VPS33B: variants seen among roughly 807,000 people sequenced by gnomAD.
The protein encoded by VPS33B is vacuolar protein sorting-associated protein 33B.
VPS33B carries 80 observed loss-of-function variants against 95.3 expected under a neutral mutation model. The observed-to-expected ratio is 0.84, with a 90% CI of 0.70 to 1.01. The LOEUF (loss-of-function observed/expected upper bound fraction) is 1.01. Among genes scored for constraint, VPS33B ranks in the 50% least tolerant of loss-of-function variants. The pLI is 0.00. For synonymous variants in VPS33B, 280 were observed against 280.4 expected (o/e 1.00, Z 0.01); for missense variants, 715 against 773.4 (o/e 0.92, Z 0.90).
chr15:91,020,860 A>T (rs1352937036), intron 1 of VPS33B, among the ~76,000 whole-genome samples: 1 of 152,228 alleles, frequency 6.6e-6, no homozygotes, highest in African/African-American at 2.4e-5. Flanking sequence ...CAGCCTGGGC[A>T]ACGGAGTGAG....
chr15:91,017,897 A>G lies in VPS33B; in HGVS notation c.97-12T>C. The G allele has an allele frequency of 6.2e-7, 1 of 1,613,922 alleles. No homozygotes were observed. The highest frequency in any genetic ancestry group is 1.6e-4 in the Middle Eastern group (1 of 6,062). On this transcript the variant is annotated splice_polypyrimidine_tract_variant and intron_variant, in intron 1 of 22. Coordinates refer to ENST00000333371, the MANE Select transcript of VPS33B (RefSeq NM_018668.5). ...TTTTTTCCAGGAAGCTGAAGGAGAC[A>G]CAATATGTTGGGTCACTCACAGGTC... is the stretch of plus-strand genomic sequence containing the variant.
chr15:91,020,805 C>A (rs144190025), intron 1 of VPS33B, among the ~76,000 whole-genome samples: 135 of 152,216 alleles, frequency 8.9e-4, no homozygotes, highest in African/African-American at 3.2e-3. Context: ...CGCCTGAACC[C>A]GGGAGGTGGA....
Position 90,999,617 on chromosome 15 carries a change from C to A in VPS33B, c.1774+60G>T. ...TACAGGTATGAACCACCGTGCCCAG[C>A]TGACACTTTGTTACCCAGATACAAT... On this transcript the variant is annotated intron_variant, in intron 22 of 22. Coordinates refer to ENST00000333371, the MANE Select transcript of VPS33B (RefSeq NM_018668.5). This position sits in a 1 kb window ranked among gnomAD's most constrained non-coding sequence, Gnocchi z 5.1. 6.4e-7 allele frequency: 1 copy of A among 1,574,460 alleles called. No homozygotes were observed. The highest frequency in any genetic ancestry group is 1.3e-5 in the African/African-American group (1 of 74,240).
chr15:91,022,214 C>T lies in VPS33B; in HGVS notation c.36G>A (p.Leu12=), dbSNP rs1596375940. The change falls in exon 1 of 23, where the codon CTG becomes CTA. Residue 12 remains leucine, a synonymous_variant. Coordinates refer to ENST00000333371, the MANE Select transcript of VPS33B (RefSeq NM_018668.5). The part of the protein sequence containing the change: ...AFPHRPDAPE[L]PDFSMLKRLA... ...GCCTCTTCAGCATGGAGAAGTCAGG[C>T]AGCTCAGGGGCGTCCGGCCGATGGG... 5.7e-6 allele frequency: 9 copies of T among 1,588,196 alleles called. No homozygotes were observed. The highest frequency in any genetic ancestry group is 7.7e-6 in the Non-Finnish European group (9 of 1,165,682).
At position 90,999,274 on chromosome 15, in the gene VPS33B, T is replaced by A. The variant is rs2040363372; in HGVS notation, c.1775-220A>T. On this transcript the variant is annotated intron_variant, in intron 22 of 22. Coordinates refer to ENST00000333371, the MANE Select transcript of VPS33B (RefSeq NM_018668.5). The surrounding 1 kb of genome is among the most constrained non-coding windows in gnomAD (Gnocchi z 5.1). ...GAGTTAAGGCTATGGCAAGTTGTAT[T>A]CTGAGGCCAGGAGAAAAATATTCCT... 1.6e-6 allele frequency: 1 copy of A among 611,054 alleles called. No individual in the cohort carries two copies. Among genetic ancestry groups the A allele is most frequent in the East Asian group, 2.8e-5 (1 of 35,850 alleles). 37.9% of individuals were successfully genotyped at this position (611,054 alleles called of 1,614,324 possible).
rs139528134 is a variant in VPS33B at position 91,005,465 on chromosome 15, G to C, written c.1031-11C>G. 2 of 1,613,988 alleles carry C rather than the reference G, an allele frequency of 1.2e-6. No individual in the cohort carries two copies. The highest frequency in any genetic ancestry group is 4.5e-5 in the East Asian group (2 of 44,878). On this transcript the variant is annotated splice_polypyrimidine_tract_variant and intron_variant, in intron 13 of 22. Coordinates refer to ENST00000333371, the MANE Select transcript of VPS33B (RefSeq NM_018668.5). The surrounding 1 kb of genome is among the most constrained non-coding windows in gnomAD (Gnocchi z 6.4). ...CACAGGCCCCAATATCTGCAGGTTG[G>C]ACAAAGGGAGCTGACATACTCCTGG...
At position 91,009,674 on chromosome 15, in the gene VPS33B, T is replaced by A. The variant is rs1042029053; in HGVS notation, c.403+127A>T. 1 of 972,998 alleles carries A rather than the reference T, an allele frequency of 1.0e-6. No homozygotes were observed. The highest frequency in any genetic ancestry group is 2.0e-5 in the African/African-American group (1 of 49,452). The allele number at this position is 972,998 out of a possible 1,614,324, so 60.3% of individuals were successfully genotyped here. A position where few individuals can be genotyped will look rare whatever the true frequency, so the allele number is the denominator to read the frequency against. The stretch of plus-strand genomic sequence containing the variant: ...TCAGGAACCTCTCCTCCTGCTACAC[T>A]AACAGGAATAAGACCAGGAAAAGAA... On this transcript the variant is annotated intron_variant, in intron 6 of 22. Coordinates refer to ENST00000333371, the MANE Select transcript of VPS33B (RefSeq NM_018668.5). The surrounding 1 kb of genome is among the most constrained non-coding windows in gnomAD (Gnocchi z 4.1).
chr15:91,003,439 T>G (rs1295709307), intron 16 of VPS33B, among the ~76,000 whole-genome samples: 1 of 151,904 alleles, frequency 6.6e-6, no homozygotes, highest in Non-Finnish European at 1.5e-5. Flanking sequence ...ACTCATGCAT[T>G]TATTTATTTA....
At chr15:91,022,071 T>C in intron 1 of VPS33B, 83 bp downstream of exon 1, 1 of 1,481,084 alleles carries the variant, frequency 6.8e-7, no homozygotes, top group Non-Finnish European at 9.2e-7. Context: ...AAGAACAAGA[T>C]CAAAGGGGCA....
At chr15:91,012,600 A>C (rs943076745) in intron 5 of VPS33B, among the ~76,000 whole-genome samples, 1 of 152,192 alleles carries the variant, frequency 6.6e-6, no homozygotes, top group Non-Finnish European at 1.5e-5. Flanking sequence ...AAAAGGAATA[A>C]ATCCCTGTTC....
rs1484475803 is a variant in VPS33B, at chr15:91,007,974, C to T, written c.404-10G>A. On this transcript the variant is annotated splice_polypyrimidine_tract_variant and intron_variant, in intron 6 of 22. Coordinates refer to ENST00000333371, the MANE Select transcript of VPS33B (RefSeq NM_018668.5). This position sits in a 1 kb window ranked among gnomAD's most constrained non-coding sequence, Gnocchi z 5.3. ...TCATCACAGCTCACATCTGTGGGGA[C>T]AGAGAGCATCAGCCTCCCTGCAGAA... The T allele has an allele frequency of 6.2e-7, 1 of 1,613,700 alleles. No individual in the cohort carries two copies. Among genetic ancestry groups the T allele is most frequent in the East Asian group, 2.2e-5 (1 of 44,880 alleles).
rs760137107 is a variant in VPS33B, at chr15:91,002,028, G to A, written c.1405+22C>T. On this transcript the variant is annotated intron_variant, in intron 18 of 22. Transcript: ENST00000333371. The surrounding 1 kb of genome is among the most constrained non-coding windows in gnomAD (Gnocchi z 4.7). ...AGTCAGGACAACAGCTGGAGCAGGG[G>A]TCACTTGTGCTCCCTGCTTACCTGC... 1.2e-6 allele frequency: 2 copies of A among 1,613,298 alleles called. No individual in the cohort carries two copies. The highest frequency in any genetic ancestry group is 1.7e-6 in the Non-Finnish European group (2 of 1,179,972).
intron 1 of VPS33B, among the ~76,000 whole-genome samples, chr15:91,020,697 A>C (rs111554382): frequency 0.1 from 15,632 of 152,090 alleles, 939 homozygotes; most frequent in African/African-American, 0.16. Context: ...CCTGGCCAAC[A>C]TGGTGAAACC....
chr15:91,007,954 A>T lies in VPS33B; in HGVS notation c.414T>A (p.Cys138Ter). The T allele has an allele frequency of 6.2e-7, 1 of 1,614,222 alleles. No homozygotes were observed. Among genetic ancestry groups the T allele is most frequent in the Non-Finnish European group, 8.5e-7 (1 of 1,180,034 alleles). ...EEEGIYGDVS[C>*]DEWAFSLLPL... ...GCAGCAAAGAGAAGGCCCATTCATC[A>T]CAGCTCACATCTGTGGGGACAGAGA... The change falls in exon 7 of 23, where the codon TGT becomes TGA. Residue 138 changes from cysteine to a stop codon, truncating the protein, a stop_gained. Coordinates refer to ENST00000333371, the MANE Select transcript of VPS33B (RefSeq NM_018668.5). LOFTEE classifies it high-confidence loss of function. This position sits in a 1 kb window ranked among gnomAD's most constrained non-coding sequence, Gnocchi z 5.3.
rs1420175614 is a variant in VPS33B at position 91,013,836 on chromosome 15, G to A, written c.325C>T (p.Arg109Cys). Residue 109 changes from arginine to cysteine, a missense_variant, in exon 5 of 23, where the codon CGC becomes TGC. By Grantham distance (180) the Arg-to-Cys change is radical. Transcript: ENST00000333371. The surrounding 1 kb of genome is among the most constrained non-coding windows in gnomAD (Gnocchi z 4.5). ...VNADKLAGRT[R>C]KYKVIFSPQK... ...GGGCTGAAGATCACTTTGTATTTGCGAGTTCGGCCAGCCAATTTGTCAGCA... is the reference window on the plus strand; with the variant it reads ...GGGCTGAAGATCACTTTGTATTTGCAAGTTCGGCCAGCCAATTTGTCAGCA... 5.0e-6 allele frequency: 8 copies of A among 1,614,082 alleles called. No individual in the cohort carries two copies. Among genetic ancestry groups the A allele is most frequent in the South Asian group, 3.3e-5 (3 of 91,080 alleles).
chr15:90,999,382 A>G lies in VPS33B; in HGVS notation c.1774+295T>C. On this transcript the variant is annotated intron_variant, in intron 22 of 22. Transcript: ENST00000333371. The surrounding 1 kb of genome is among the most constrained non-coding windows in gnomAD (Gnocchi z 5.1). ...TGCCCAGGCTGGAGTGCAATGGTGCAATCTCAGCTCACTGCAACCTCCACC... is the reference window on the plus strand; with the variant it reads ...TGCCCAGGCTGGAGTGCAATGGTGCGATCTCAGCTCACTGCAACCTCCACC... 1 of 506,492 alleles carries G rather than the reference A, an allele frequency of 2.0e-6. No homozygotes were observed. The allele number at this position is 506,492 out of a possible 1,614,324, so 31.4% of individuals were successfully genotyped here.
intron 3 of VPS33B, among the ~76,000 whole-genome samples, chr15:91,016,682 C>A (rs778645006): frequency 6.6e-6 from 1 of 152,180 alleles, no homozygotes; most frequent in African/African-American, 2.4e-5. Context: ...CCGCACCCAG[C>A]TGCCTTGCAG....
chr15:91,019,119 T>G (rs1397822196), intron 1 of VPS33B, among the ~76,000 whole-genome samples: 1 of 60,714 alleles, frequency 1.6e-5, no homozygotes, highest in Non-Finnish European at 2.7e-5. Context: ...GGCCTGTTTT[T>G]TTTTTTTTTT....
At chr15:91,003,223 T>A (rs1292726445) in intron 16 of VPS33B, 92 bp from the exon 17 acceptor site, 1 of 1,229,790 alleles carries the variant, frequency 8.1e-7, no homozygotes, top group East Asian at 2.3e-5. Context: ...AACGCCTTCT[T>A]CAGGAGGAAG....
Sources: allele counts gnomAD v4.1 joint callset (sites outside exome capture counted in the v4.1 genomes callset), GRCh38; gene constraint gnomAD v4.1.1; non-coding constraint Gnocchi (gnomAD v3.1); transcripts MANE v1.5; gene names NCBI Gene and HGNC (gene_info 2026-07-23, HGNC 2026-07-21).